BAIAP2L2: variants seen among roughly 807,000 people sequenced by gnomAD.
BAIAP2L2 encodes BAR/IMD domain containing adaptor protein 2 like 2, also known as BAR/IMD domain-containing adapter protein 2-like 2.
Under a neutral mutation model 60.4 loss-of-function variants are expected in BAIAP2L2, and 65 were observed. The observed-to-expected ratio is 1.08, with a 90% CI of 0.88 to 1.32. The LOEUF is 1.32. Among genes scored for constraint, BAIAP2L2 ranks in the 40% most tolerant of loss-of-function variants. The pLI is 0.00. For missense variants in BAIAP2L2, 836 were observed against 741.2 expected, an observed-to-expected ratio of 1.13 and a Z score of -1.48; for synonymous variants, 344 against 301.7, an observed-to-expected ratio of 1.14 and a Z score of -1.45.
chr22:38,087,031 A>G, intron 11 of BAIAP2L2, 93 bp downstream of exon 11: 1 of 1,381,672 alleles, frequency 7.2e-7, no homozygotes, highest in Non-Finnish European at 9.4e-7. Flanking sequence ...AAAAAACAAA[A>G]AAACAAGCCT....
intron 6 of BAIAP2L2, 23 bp downstream of exon 6, chr22:38,098,040 C>T (rs781383109): frequency 3.7e-6 from 4 of 1,093,302 alleles, no homozygotes; most frequent in Non-Finnish European, 2.7e-6. Flanking sequence ...TCCTGGCCCA[C>T]CCCCGCTTCC....
intron 4 of BAIAP2L2, among the ~76,000 whole-genome samples, chr22:38,106,161 C>T (rs1344609593): frequency 6.6e-6 from 1 of 152,204 alleles, no homozygotes; most frequent in African/African-American, 2.4e-5. Flanking sequence ...CCCAAGGAGT[C>T]CACGGAGCCC....
intron 1 of BAIAP2L2, among the ~76,000 whole-genome samples, chr22:38,110,126 AGAGAGAGAGAGAGAGAGAGAGAGG>A (rs1404950581): frequency 1.1e-5 from 1 of 88,558 alleles, no homozygotes; most frequent in Non-Finnish European, 2.0e-5. Flanking sequence ...AGAGGGAGAG[AGAGAGAGAGAGAGAGAGAGAGAGG>A]GAGAGACAGA....
intron 9 of BAIAP2L2, 22 bp downstream of exon 9, chr22:38,089,074 G>T: frequency 1.4e-6 from 2 of 1,381,066 alleles, no homozygotes; most frequent in Non-Finnish European, 1.9e-6. Context: ...CCCTCCTGCC[G>T]CCCCGGGGCG....
chr22:38,105,346 T>TG, intron 4 of BAIAP2L2, among the ~76,000 whole-genome samples: 1 of 149,066 alleles, frequency 6.7e-6, no homozygotes, highest in South Asian at 2.1e-4. Context: ...TTTCTTTTTT[T>TG]TTTTTTTTTT....
chr22:38,088,353 G>A (rs1349698451), intron 10 of BAIAP2L2, among the ~76,000 whole-genome samples: 1 of 152,230 alleles, frequency 6.6e-6, no homozygotes, highest in African/African-American at 2.4e-5. Flanking sequence ...AAAGAGGTGA[G>A]CACATTTAAG....
chr22:38,089,566 GCCCCAGCGCGGGGCCCA>G lies in BAIAP2L2; in HGVS notation c.704_720del (p.Leu235ProfsTer192). The G allele has an allele frequency of 8.1e-7, 1 of 1,230,766 alleles. No individual in the cohort carries two copies. Among genetic ancestry groups the G allele is most frequent in the Admixed American group, 4.2e-5 (1 of 23,544 alleles). The allele number at this position is 1,230,766 out of a possible 1,614,324, so 76.2% of individuals were successfully genotyped here. The stretch of plus-strand genomic sequence containing the variant: ...GTCAGGCGGCCCGAGGGGTAGGGCG[GCCCCAGCGCGGGGCCCA>G]GCAGGCCGGGGGAGTGGGCGCGCGA... On this transcript the variant is annotated frameshift_variant, in exon 8 of 14. Transcript: ENST00000381669. LOFTEE classifies it high-confidence loss of function.
rs1240716771 is a variant in BAIAP2L2 at position 38,108,411 on chromosome 22, C to T, written c.128-70G>A. On this transcript the variant is annotated intron_variant, in intron 2 of 13. Transcript: ENST00000381669. Reference sequence around the variant, plus strand: ...CCACCCTTCTGGAGGCTCTTTTCATCTGGAGGGGACTGTGTCTGTCCTGGG... The same window carrying T: ...CCACCCTTCTGGAGGCTCTTTTCATTTGGAGGGGACTGTGTCTGTCCTGGG... 2.5e-6 allele frequency: 3 copies of T among 1,212,312 alleles called. No homozygotes were observed. In the East Asian group the frequency reaches 7.3e-5, roughly 30 times the overall value. The allele number at this position is 1,212,312 out of a possible 1,614,324, so 75.1% of individuals were successfully genotyped here. A position where few individuals can be genotyped will look rare whatever the true frequency, so the allele number is the denominator to read the frequency against.
chr22:38,085,974 CG>C (rs1157128452), intron 12 of BAIAP2L2, among the ~76,000 whole-genome samples: 1 of 152,208 alleles, frequency 6.6e-6, no homozygotes, highest in Non-Finnish European at 1.5e-5. Context: ...AGGATAAGAC[CG>C]GGGTGGCTCC....
intron 7 of BAIAP2L2, among the ~76,000 whole-genome samples, chr22:38,095,508 G>A (rs962119425): frequency 3.3e-5 from 5 of 152,144 alleles, no homozygotes; most frequent in Non-Finnish European, 7.3e-5. Context: ...GGGATTACAA[G>A]TGCCTGCCAC....
chr22:38,096,582 G>C (rs2086433386), intron 7 of BAIAP2L2, among the ~76,000 whole-genome samples: 2 of 152,210 alleles, frequency 1.3e-5, no homozygotes, highest in African/African-American at 4.8e-5. Flanking sequence ...TTGAACCCGG[G>C]AGGGAGAGGT....
At chr22:38,103,862 CAA>C (rs35813107) in intron 4 of BAIAP2L2, among the ~76,000 whole-genome samples, 19 of 109,332 alleles carry the variant, frequency 1.7e-4, no homozygotes, top group Admixed American at 1.8e-4. Flanking sequence ...GACTCCATGT[CAA>C]AAAAAAAAAA....
At position 38,098,477 on chromosome 22, in the gene BAIAP2L2, C is replaced by G. The variant is rs765031495; in HGVS notation, c.282G>C (p.Gln94His). ...GCTGCAGCAGGCCTCCATGGAATGT[C>G]TGCACCTGAGCGGAGTGCAGGGTGA... ...HLNSDLEVVV[Q>H]TFHGGLLQHM... Residue 94 changes from glutamine (Q) to histidine (H), a missense_variant, in exon 5 of 14, where the codon CAG becomes CAC. Transcript: ENST00000381669. 2 of 1,613,688 alleles carry G rather than the reference C, an allele frequency of 1.2e-6. No homozygotes were observed. The highest frequency in any genetic ancestry group is 8.5e-7 in the Non-Finnish European group (1 of 1,179,734).
chr22:38,102,856 G>A lies in BAIAP2L2; in HGVS notation c.277-4374C>T, dbSNP rs181608278. On this transcript the variant is annotated intron_variant, in intron 4 of 13. Coordinates refer to ENST00000381669, the MANE Select transcript of BAIAP2L2 (RefSeq NM_025045.6). The stretch of plus-strand genomic sequence containing the variant: ...ATATCAAGACCATCCTGGCTAACAC[G>A]GTGAAATCCCGTCTCTACTAAACAT... Among the ~76,000 whole-genome samples, 1,011 of 152,002 alleles carry A rather than the reference G, an allele frequency of 6.7e-3. 3 individuals carry two copies. The highest frequency in any genetic ancestry group is 0.011 in the Non-Finnish European group (748 of 67,970).
At chr22:38,093,443 C>T (rs2086355169) in intron 7 of BAIAP2L2, among the ~76,000 whole-genome samples, 1 of 152,224 alleles carries the variant, frequency 6.6e-6, no homozygotes, top group Non-Finnish European at 1.5e-5. Context: ...CAACCCACAG[C>T]TCCCTCCTGA....
rs968550480 is a variant in BAIAP2L2 at position 38,085,162 on chromosome 22, G to A, written c.*138C>T. On this transcript the variant is annotated 3_prime_UTR_variant, in exon 14 of 14. Transcript: ENST00000381669. ...CTTTGGAGCTGCTCAGGCTGCCGGG[G>A]TGGTCTGGGGAGGGCAGCCACCCCC... is the stretch of plus-strand genomic sequence containing the variant. The A allele has an allele frequency of 1.9e-5, 16 of 832,164 alleles. No homozygotes were observed. Among genetic ancestry groups the A allele is most frequent in the Non-Finnish European group, 2.5e-5 (13 of 527,704 alleles). 51.5% of individuals were successfully genotyped at this position (832,164 alleles called of 1,614,324 possible).
At chr22:38,102,126 G>T (rs1325038576) in intron 4 of BAIAP2L2, among the ~76,000 whole-genome samples, 1 of 152,156 alleles carries the variant, frequency 6.6e-6, no homozygotes, top group South Asian at 2.1e-4. Flanking sequence ...AACAGCAGCT[G>T]AAACTCCAAG....
rs1300603348 is a variant in BAIAP2L2 at position 38,085,535 on chromosome 22, G to GAT, written c.1514+149_1514+150dup. The GAT allele has an allele frequency of 6.4e-6, 8 of 1,251,686 alleles. No homozygotes were observed. The African/African-American group carries it at 7.4e-5, about 12-fold the overall frequency. The allele number at this position is 1,251,686 out of a possible 1,614,324, so 77.5% of individuals were successfully genotyped here. Reference sequence around the variant, plus strand: ...CTTCATCTTTTTTTTTCTTTTAAGAGATAGGGTCTCACAGTGTTGCTCAAG... The same window carrying GAT: ...CTTCATCTTTTTTTTTCTTTTAAGAGATATAGGGTCTCACAGTGTTGCTCAAG... On this transcript the variant is annotated intron_variant, in intron 13 of 13. Transcript: ENST00000381669.
At position 38,087,164 on chromosome 22, in the gene BAIAP2L2, G is replaced by C; in HGVS notation, c.1219C>G (p.Pro407Ala). The stretch of plus-strand genomic sequence containing the variant: ...TTCCCGGGGTTCATGGGTGTCATGG[G>C]GGACATGGAGGTCATGGAGGTCATG... ...TPMTSMTSMS[P>A]MTPMNPGNEL... Residue 407 changes from proline to alanine, a missense_variant, in exon 11 of 14, where the codon CCC becomes GCC. Coordinates refer to ENST00000381669, the MANE Select transcript of BAIAP2L2 (RefSeq NM_025045.6). 1 of 1,564,464 alleles carries C rather than the reference G, an allele frequency of 6.4e-7. No individual in the cohort carries two copies. Among genetic ancestry groups the C allele is most frequent in the East Asian group, 2.3e-5 (1 of 43,850 alleles).
Sources: allele counts gnomAD v4.1 joint callset (sites outside exome capture counted in the v4.1 genomes callset), GRCh38; gene constraint gnomAD v4.1.1; transcripts MANE v1.5; gene names NCBI Gene and HGNC (gene_info 2026-07-23, HGNC 2026-07-21).